The following NLN variants were observed in gnomAD, a reference collection of about 807,000 sequenced individuals.
NLN encodes neurolysin, mitochondrial.
NLN carries 64 observed loss-of-function variants against 79.9 expected under a neutral mutation model. The observed-to-expected ratio is 0.80, with a 90% CI of 0.65 to 0.99. The LOEUF (loss-of-function observed/expected upper bound fraction) is 0.99. Ranked by LOEUF, NLN falls within the 50% of genes least tolerant of loss-of-function variation. The probability of loss-of-function intolerance (pLI) is 0.00; values close to 1 mark genes in which losing one functional copy is unlikely to be tolerated. For synonymous variants in NLN, 267 were observed against 296.6 expected (o/e 0.90, Z 1.02); for missense variants, 835 against 858.7 (o/e 0.97, Z 0.34).
chr5:65,821,956 T>A (rs1214678330), intron 12 of NLN, among the ~76,000 whole-genome samples: 1 of 152,222 alleles, frequency 6.6e-6, no homozygotes, highest in East Asian at 1.9e-4. Context: ...GTCCTTTTGA[T>A]CAAGTGATAT....
intron 12 of NLN, among the ~76,000 whole-genome samples, chr5:65,819,520 G>T (rs1245893775): frequency 6.6e-6 from 1 of 152,172 alleles, no homozygotes; most frequent in Non-Finnish European, 1.5e-5. Context: ...GAGAAGACTT[G>T]CATAGCTGCC....
At chr5:65,750,807 A>T (rs1040192901) in intron 1 of NLN, among the ~76,000 whole-genome samples, 1 of 151,930 alleles carries the variant, frequency 6.6e-6, no homozygotes, top group African/African-American at 2.4e-5. Flanking sequence ...GAGAAAGAAA[A>T]AGAGAAACAG....
At chr5:65,723,814 C>CAAAAAAAAAAAAAAAAAAA (rs760572199) in intron 1 of NLN, among the ~76,000 whole-genome samples, 6 of 55,316 alleles carry the variant, frequency 1.1e-4, no homozygotes, top group African/African-American at 3.8e-4. Flanking sequence ...GACTCCGTCT[C>CAAAAAAAAAAAAAAAAAAA]AAAAAAAAAA....
intron 1 of NLN, among the ~76,000 whole-genome samples, chr5:65,723,657 T>TA (rs1202174632): frequency 6.6e-6 from 1 of 150,378 alleles, no homozygotes; most frequent in African/African-American, 2.4e-5. Flanking sequence ...TACTAAAAAA[T>TA]ACAAAAAATT....
At chr5:65,733,587 G>A (rs1482959529) in intron 1 of NLN, 1 of 1,500,784 alleles carries the variant, frequency 6.7e-7, no homozygotes, top group Non-Finnish European at 9.1e-7. Flanking sequence ...GATCTTTTTT[G>A]GTCCCGTCCC....
Position 65,823,867 on chromosome 5 carries a change from G to C in NLN, c.*952G>C, listed in dbSNP as rs1176645249. Reference sequence around the variant, plus strand: ...GAGGAGGTGGATGTGGAACATAAAGGGTTCAGAAACTCCAGAAGAGGAGTG... The same window carrying C: ...GAGGAGGTGGATGTGGAACATAAAGCGTTCAGAAACTCCAGAAGAGGAGTG... On this transcript the variant is annotated 3_prime_UTR_variant, in exon 13 of 13. Coordinates refer to ENST00000380985, the MANE Select transcript of NLN (RefSeq NM_020726.5). 1 of 152,206 alleles carries C rather than the reference G, an allele frequency of 6.6e-6. No homozygotes were observed. Among genetic ancestry groups the C allele is most frequent in the African/African-American group, 2.4e-5 (1 of 41,448 alleles). The allele number at this position is 152,206 out of a possible 1,614,324, so 9.4% of individuals were successfully genotyped here. A position where few individuals can be genotyped will look rare whatever the true frequency, so the allele number is the denominator to read the frequency against.
chr5:65,780,434 T>C (rs1215026194), intron 5 of NLN, among the ~76,000 whole-genome samples, 153 bp downstream of exon 5: 1 of 152,142 alleles, frequency 6.6e-6, no homozygotes, highest in Admixed American at 6.5e-5. Flanking sequence ...CCACCCCTTC[T>C]ACAGAAGAGA....
intron 3 of NLN, among the ~76,000 whole-genome samples, chr5:65,772,391 G>A (rs894620050): frequency 2.0e-5 from 3 of 152,172 alleles, no homozygotes; most frequent in Admixed American, 1.3e-4. Context: ...TCTTCATGCA[G>A]TGTGATGCCT....
intron 1 of NLN, among the ~76,000 whole-genome samples, chr5:65,723,221 G>T (rs1196719355): frequency 6.6e-6 from 1 of 152,210 alleles, no homozygotes; most frequent in Non-Finnish European, 1.5e-5. Context: ...CTTCTTGCTA[G>T]CTATCAACAA....
chr5:65,761,492 A>C (rs1759339276), intron 2 of NLN, among the ~76,000 whole-genome samples: 1 of 152,074 alleles, frequency 6.6e-6, no homozygotes, highest in South Asian at 2.1e-4. Flanking sequence ...GGATTTCACC[A>C]TGTTGGCCAG....
chr5:65,811,419 G>A (rs1351030926), intron 11 of NLN, among the ~76,000 whole-genome samples: 3 of 152,156 alleles, frequency 2.0e-5, no homozygotes, highest in Non-Finnish European at 4.4e-5. Flanking sequence ...GCTCACGCCT[G>A]TAATCCAGCA....
chr5:65,762,949 T>G lies in NLN; in HGVS notation c.302-11T>G, dbSNP rs749723990. 2 of 1,612,112 alleles carry G rather than the reference T, an allele frequency of 1.2e-6. No individual in the cohort carries two copies. Among genetic ancestry groups the G allele is most frequent in the Non-Finnish European group, 8.5e-7 (1 of 1,179,160 alleles). ...CTGTTGTGTGGTGATAGTTTTTTTC[T>G]CCATCTGCAGTGGAAAGGACCATGC... On this transcript the variant is annotated splice_polypyrimidine_tract_variant and intron_variant, in intron 2 of 12. Coordinates refer to ENST00000380985, the MANE Select transcript of NLN (RefSeq NM_020726.5).
At position 65,749,319 on chromosome 5, in the gene NLN, A is replaced by G. The variant is rs762559766; in HGVS notation, c.42-9248A>G. 1.1e-4 allele frequency among the ~76,000 whole-genome samples: 16 copies of G among 152,350 alleles called. No homozygotes were observed. The South Asian group carries it at 1.4e-3, about 14-fold the overall frequency. On this transcript the variant is annotated intron_variant, in intron 1 of 12. Transcript: ENST00000380985. ...TTAGTAAGGGATGTAGCAGGAAGCC[A>G]GTAGCCTCAGAGGATTAGAATTGTA...
intron 1 of NLN, among the ~76,000 whole-genome samples, chr5:65,757,105 T>G (rs1180294313): frequency 6.6e-6 from 1 of 152,202 alleles, no homozygotes; most frequent in African/African-American, 2.4e-5. Flanking sequence ...AATGTCAGGG[T>G]CTAAGACAAT....
intron 8 of NLN, among the ~76,000 whole-genome samples, chr5:65,791,542 A>G (rs1390946938): frequency 6.6e-6 from 1 of 152,114 alleles, no homozygotes; most frequent in Non-Finnish European, 1.5e-5. Context: ...TGGGCAACAG[A>G]GCAAGACTCC....
chr5:65,820,717 T>G (rs528780716), intron 12 of NLN, among the ~76,000 whole-genome samples: 64 of 125,046 alleles, frequency 5.1e-4, no homozygotes, highest in African/African-American at 1.7e-3. Context: ...AAATGACATG[T>G]TTTTTTTTGT....
intron 3 of NLN, among the ~76,000 whole-genome samples, chr5:65,775,597 C>T (rs1310949319): frequency 6.6e-6 from 1 of 152,234 alleles, no homozygotes; most frequent in Non-Finnish European, 1.5e-5. Context: ...TGCTGTGCTT[C>T]ACACTACAGG....
intron 3 of NLN, among the ~76,000 whole-genome samples, chr5:65,772,737 T>TC (rs1402011238): frequency 6.6e-6 from 1 of 151,552 alleles, no homozygotes; most frequent in Non-Finnish European, 1.5e-5. Flanking sequence ...GTTTTTCATT[T>TC]TTTTTTTTTT....
At chr5:65,729,406 G>A (rs1758555393) in intron 1 of NLN, among the ~76,000 whole-genome samples, 1 of 119,020 alleles carries the variant, frequency 8.4e-6, no homozygotes, top group Admixed American at 1.1e-4. Context: ...ATGGAGTCTT[G>A]CACTGTTGCC....
Sources: gnomAD v4.1 joint callset for allele counts (sites outside exome capture counted in the v4.1 genomes callset) on GRCh38, gnomAD v4.1.1 for gene constraint, MANE v1.5 for transcripts, NCBI Gene and HGNC (gene_info 2026-07-23, HGNC 2026-07-21) for gene names.